Variants in CCDC136 observed in about 807,000 individuals in gnomAD.
The protein encoded by CCDC136 is coiled-coil domain containing 136, also known as coiled-coil domain-containing protein 136.
A neutral mutation model predicts 141.2 loss-of-function variants in CCDC136; 100 were observed. The observed-to-expected ratio is 0.71, with a 90% confidence interval of 0.60 to 0.84. The LOEUF (loss-of-function observed/expected upper bound fraction) is 0.84, where lower values mean the gene tolerates loss of function less well. CCDC136 is among the 40% of genes least tolerant of loss of function. CCDC136 has a pLI of 0.00. For synonymous variants in CCDC136, 474 were observed against 531.9 expected (o/e 0.89, Z 1.50); for missense variants, 1,206 against 1,379.4 (o/e 0.87, Z 1.99).
rs748054147 is a variant in CCDC136 at position 128,812,749 on chromosome 7, G to C, written c.2583G>C (p.Gln861His). The change falls in exon 14 of 18, where the codon CAG becomes CAC. Residue 861 changes from glutamine (Q) to histidine (H), a missense_variant. Transcript: ENST00000297788. ...EMVVKVLIKL[Q>H]AVQAMYQISQ... is the part of the protein sequence containing the mutation. ...TTGTGAAAGTGCTGATCAAGCTGCA[G>C]GCGGTGCAGGCCATGTACCAGATAA... is the stretch of plus-strand genomic sequence containing the variant. 9 of 1,613,490 alleles carry C rather than the reference G, an allele frequency of 5.6e-6. No homozygotes were observed. Among genetic ancestry groups the C allele is most frequent in the Non-Finnish European group, 7.6e-6 (9 of 1,179,856 alleles).
In CCDC136 at chr7:128,821,744, C is replaced by T; in HGVS notation, c.*6-55C>T. ...GCACCCATAGGCAGGTGACTTCTGG[C>T]TTAGGGCAGGGTTCAGGAGGCTGGG... On this transcript the variant is annotated intron_variant, in intron 17 of 17. Coordinates refer to ENST00000297788, the MANE Select transcript of CCDC136 (RefSeq NM_022742.5). The surrounding 1 kb of genome is among the most constrained non-coding windows in gnomAD (Gnocchi z 5.1). 1 of 1,282,124 alleles carries T rather than the reference C, an allele frequency of 7.8e-7. No individual in the cohort carries two copies. The highest frequency in any genetic ancestry group is 1.0e-6 in the Non-Finnish European group (1 of 981,890). The allele number at this position is 1,282,124 out of a possible 1,614,324, so 79.4% of individuals were successfully genotyped here. A position where few individuals can be genotyped will look rare whatever the true frequency, so the allele number is the denominator to read the frequency against.
rs1052352185 is a variant in CCDC136 at position 128,817,652 on chromosome 7, C to CT, written c.3364-102dup. The CT allele has an allele frequency of 2.3e-5, 20 of 885,132 alleles. No homozygotes were observed. The highest frequency in any genetic ancestry group is 4.3e-4 in the Middle Eastern group (2 of 4,648). 54.8% of individuals were successfully genotyped at this position (885,132 alleles called of 1,614,324 possible). ...TTTTTTAACCTCTTGATTCCTTTCTCTTTTCCCTTTGTTTTCTCATCTTCA... is the reference window on the plus strand; with the variant it reads ...TTTTTTAACCTCTTGATTCCTTTCTCTTTTTCCCTTTGTTTTCTCATCTTCA... On this transcript the variant is annotated intron_variant, in intron 16 of 17. Coordinates refer to ENST00000297788, the MANE Select transcript of CCDC136 (RefSeq NM_022742.5). This position sits in a 1 kb window ranked among gnomAD's most constrained non-coding sequence, Gnocchi z 4.6.
chr7:128,797,354 T>G (rs528596248), intron 3 of CCDC136, among the ~76,000 whole-genome samples: 1 of 152,200 alleles, frequency 6.6e-6, no homozygotes, highest in African/African-American at 2.4e-5. Context: ...ATAATTGGCA[T>G]TAGAATCCAT....
chr7:128,795,391 C>T lies in CCDC136; in HGVS notation c.346+623C>T, dbSNP rs1802787850. On this transcript the variant is annotated intron_variant, in intron 3 of 17. Transcript: ENST00000297788. ...AATAAAGAGGCAGCTTTTGTTACTT[C>T]TGTGGGCCTCCGGAAGGTTTAGGGG... is the stretch of plus-strand genomic sequence containing the variant. 3.3e-5 allele frequency among the ~76,000 whole-genome samples: 5 copies of T among 152,098 alleles called. No homozygotes were observed. The South Asian group carries it at 6.2e-4, about 19-fold the overall frequency.
chr7:128,792,034 G>C lies in CCDC136; in HGVS notation c.-378G>C. ...CTGGCTCCCGCCCTCTTTCAGTCTT[G>C]GCCCTCTCCTCCCTGTCCCCCCGGA... On this transcript the variant is annotated 5_prime_UTR_variant, in exon 1 of 18. Coordinates refer to ENST00000297788, the MANE Select transcript of CCDC136 (RefSeq NM_022742.5). 1 of 1,242,690 alleles carries C rather than the reference G, an allele frequency of 8.0e-7. No homozygotes were observed. The highest frequency in any genetic ancestry group is 1.0e-6 in the Non-Finnish European group (1 of 989,798). The allele number at this position is 1,242,690 out of a possible 1,614,324, so 77.0% of individuals were successfully genotyped here.
Position 128,815,884 on chromosome 7 carries a change from G to A in CCDC136, c.3316G>A (p.Glu1106Lys). 6.2e-7 allele frequency: 1 copy of A among 1,613,802 alleles called. No homozygotes were observed. The highest frequency in any genetic ancestry group is 8.5e-7 in the Non-Finnish European group (1 of 1,179,822). Residue 1106 changes from glutamate (E) to lysine (K), a missense_variant, in exon 16 of 18, where the codon GAA becomes AAA. Coordinates refer to ENST00000297788, the MANE Select transcript of CCDC136 (RefSeq NM_022742.5). ...GGAGGATGACGCCGACTCTTCCCTTGAAAGTCCCGAAGAAAATAACCCCCT... is the reference window on the plus strand; with the variant it reads ...GGAGGATGACGCCGACTCTTCCCTTAAAAGTCCCGAAGAAAATAACCCCCT... Reference protein sequence around the residue: ...EEEDDADSSLESPEENNPLRL... With the variant: ...EEEDDADSSLKSPEENNPLRL...
chr7:128,822,011 T>TC lies in CCDC136; in HGVS notation c.*222dup. Reference sequence around the variant, plus strand: ...GAACCCTCCCCATATGTTCCATGTGTCCCCATCTCCTCAGCCTCAGTCACC... The same window carrying TC: ...GAACCCTCCCCATATGTTCCATGTGTCCCCCATCTCCTCAGCCTCAGTCACC... On this transcript the variant is annotated 3_prime_UTR_variant, in exon 18 of 18. Coordinates refer to ENST00000297788, the MANE Select transcript of CCDC136 (RefSeq NM_022742.5). 3.2e-6 allele frequency: 4 copies of TC among 1,244,358 alleles called. No individual in the cohort carries two copies. Among genetic ancestry groups the TC allele is most frequent in the Non-Finnish European group, 4.2e-6 (4 of 962,824 alleles). The allele number at this position is 1,244,358 out of a possible 1,614,324, so 77.1% of individuals were successfully genotyped here. A position where few individuals can be genotyped will look rare whatever the true frequency, so the allele number is the denominator to read the frequency against.
At chr7:128,808,813 G>A (rs1805259879) in intron 10 of CCDC136, 1 of 985,406 alleles carries the variant, frequency 1.0e-6, no homozygotes, top group Non-Finnish European at 1.2e-6. Flanking sequence ...GAAAAATGAT[G>A]GGAAAGGAGA....
chr7:128,805,433 A>T lies in CCDC136; in HGVS notation c.857A>T (p.Glu286Val). Reference protein sequence around the residue: ...SMTSAESQTSEMDFLEPDPEM... With the variant: ...SMTSAESQTSVMDFLEPDPEM... The stretch of plus-strand genomic sequence containing the variant: ...ACGTCAGCAGAGTCTCAGACTTCAG[A>T]AATGGATTTCTTAGAGCCTGATCCT... Residue 286 changes from glutamate (E) to valine (V), a missense_variant, in exon 6 of 18, where the codon GAA becomes GTA. Coordinates refer to ENST00000297788, the MANE Select transcript of CCDC136 (RefSeq NM_022742.5). The surrounding 1 kb of genome is among the most constrained non-coding windows in gnomAD (Gnocchi z 4.6). 6.2e-7 allele frequency: 1 copy of T among 1,613,980 alleles called. No individual in the cohort carries two copies. The highest frequency in any genetic ancestry group is 8.5e-7 in the Non-Finnish European group (1 of 1,179,872).
chr7:128,806,167 C>T (rs770305614), intron 7 of CCDC136, 70 bp from the exon 8 acceptor site: 96 of 1,383,060 alleles, frequency 6.9e-5, no homozygotes, highest in Non-Finnish European at 8.8e-5. Context: ...GAAAAGGAAC[C>T]CAACTGATCC....
In CCDC136 at chr7:128,817,384, G is replaced by C. The variant is rs899048602; in HGVS notation, c.3364-374G>C. Among the ~76,000 whole-genome samples, 5 of 152,126 alleles carry C rather than the reference G, an allele frequency of 3.3e-5. No homozygotes were observed. The highest frequency in any genetic ancestry group is 1.2e-4 in the African/African-American group (5 of 41,424). ...CTAGAACAAAGGGACAGGTGACCTG[G>C]TAGAAGACTGGCTCTTCCTAGAGTG... is the stretch of plus-strand genomic sequence containing the variant. On this transcript the variant is annotated intron_variant, in intron 16 of 17. Coordinates refer to ENST00000297788, the MANE Select transcript of CCDC136 (RefSeq NM_022742.5). The surrounding 1 kb of genome is among the most constrained non-coding windows in gnomAD (Gnocchi z 4.6).
chr7:128,812,071 A>T lies in CCDC136; in HGVS notation c.2300A>T (p.Asp767Val), dbSNP rs1015008609. Residue 767 changes from aspartate (D) to valine (V), a missense_variant, in exon 13 of 18, where the codon GAT becomes GTT. Coordinates refer to ENST00000297788, the MANE Select transcript of CCDC136 (RefSeq NM_022742.5). Reference sequence around the variant, plus strand: ...CGCAAGACTTATGATACCACTGTGGATGACAATGAGAGCTATTACAAGAGT... The same window carrying T: ...CGCAAGACTTATGATACCACTGTGGTTGACAATGAGAGCTATTACAAGAGT... ...NCRKTYDTTV[D>V]DNESYYKSYT... The T allele has an allele frequency of 3.1e-6, 5 of 1,613,918 alleles. No homozygotes were observed. The highest frequency in any genetic ancestry group is 2.7e-5 in the African/African-American group (2 of 74,936).
In CCDC136 at chr7:128,821,302, G is replaced by A. The variant is rs1356425646; in HGVS notation, c.*6-497G>A. ...TGTCATTCTCTGTCAAAGTTTGTCT[G>A]CCTAAGAACCTCCTACTTACCTGCA... On this transcript the variant is annotated intron_variant, in intron 17 of 17. Transcript: ENST00000297788. This position sits in a 1 kb window ranked among gnomAD's most constrained non-coding sequence, Gnocchi z 5.1. Among the ~76,000 whole-genome samples the A allele has an allele frequency of 1.3e-5, 2 of 152,294 alleles. No homozygotes were observed. The highest frequency in any genetic ancestry group is 3.9e-4 in the East Asian group (2 of 5,188).
rs771766328 is a variant in CCDC136 at position 128,821,897 on chromosome 7, C to T, written c.*104C>T. 4.7e-6 allele frequency: 6 copies of T among 1,289,966 alleles called. No homozygotes were observed. The South Asian group carries it at 4.9e-5, about 11-fold the overall frequency. 79.9% of individuals were successfully genotyped at this position (1,289,966 alleles called of 1,614,324 possible). On this transcript the variant is annotated 3_prime_UTR_variant, in exon 18 of 18. Coordinates refer to ENST00000297788, the MANE Select transcript of CCDC136 (RefSeq NM_022742.5). This position sits in a 1 kb window ranked among gnomAD's most constrained non-coding sequence, Gnocchi z 5.1. ...TGCGACAGCAGGAGTCAGAGTTCTG[C>T]CTCATGGAGTGATGGCAGACCTTGG...
chr7:128,804,501 T>G, intron 4 of CCDC136, 149 bp from the exon 5 acceptor site: 1 of 598,042 alleles, frequency 1.7e-6, no homozygotes, highest in Non-Finnish European at 3.0e-6. Context: ...CTGGGCCCTG[T>G]CTTCTAAGCC....
chr7:128,820,428 C>T (rs1585137934), intron 17 of CCDC136, among the ~76,000 whole-genome samples: 1 of 152,328 alleles, frequency 6.6e-6, no homozygotes, highest in East Asian at 1.9e-4. Flanking sequence ...CAGCCCTTTC[C>T]CCATCCCATG....
intron 3 of CCDC136, among the ~76,000 whole-genome samples, chr7:128,796,281 A>T (rs1802935420): frequency 6.6e-6 from 1 of 152,174 alleles, no homozygotes; most frequent in Non-Finnish European, 1.5e-5. Context: ...AATGAAAAGG[A>T]TCCAGCCATC....
At chr7:128,800,072 G>T (rs1803766158) in intron 3 of CCDC136, among the ~76,000 whole-genome samples, 2 of 152,050 alleles carry the variant, frequency 1.3e-5, no homozygotes, top group Non-Finnish European at 2.9e-5. Context: ...ATTATGGTTT[G>T]GGCATAGATC....
At chr7:128,800,795 T>C (rs1450470454) in intron 3 of CCDC136, among the ~76,000 whole-genome samples, 1 of 152,180 alleles carries the variant, frequency 6.6e-6, no homozygotes, top group African/African-American at 2.4e-5. Context: ...TAGGTGAAAA[T>C]AGTCTGTATA....
Sources: allele counts gnomAD v4.1 joint callset (sites outside exome capture counted in the v4.1 genomes callset), GRCh38; gene constraint gnomAD v4.1.1; non-coding constraint Gnocchi (gnomAD v3.1); transcripts MANE v1.5; gene names NCBI Gene and HGNC (gene_info 2026-07-23, HGNC 2026-07-21).